The following CDH13 variants were observed in gnomAD, a reference collection of about 807,000 sequenced individuals.
CDH13 encodes the protein cadherin 13.
Under a neutral mutation model 63.8 loss-of-function variants are expected in CDH13, and 24 were observed. The observed-to-expected ratio is 0.38, with a 90% confidence interval of 0.27 to 0.53. The LOEUF (loss-of-function observed/expected upper bound fraction) is 0.53. Among genes scored for constraint, CDH13 ranks in the 20% least tolerant of loss-of-function variants. The pLI, the probability that CDH13 is intolerant of heterozygous loss-of-function variation, is 0.85. For missense variants in CDH13, 1,049 were observed against 903.1 expected (o/e 1.16, Z -2.07); for synonymous variants, 503 against 355.3 (o/e 1.42, Z -4.67).
At chr16:83,193,866 G>T (rs1312856213) in intron 4 of CDH13, among the ~76,000 whole-genome samples, 1 of 152,184 alleles carries the variant, frequency 6.6e-6, no homozygotes, top group South Asian at 2.1e-4. Context: ...TGCCTATTTA[G>T]ATTATGAAAA....
chr16:83,105,174 G>A (rs181161510), intron 3 of CDH13, among the ~76,000 whole-genome samples: 1 of 152,240 alleles, frequency 6.6e-6, no homozygotes, highest in East Asian at 1.9e-4. Context: ...ACCCTTTTTG[G>A]AAAACTCAAT....
In CDH13 at chr16:83,453,358, C is replaced by T. The variant is rs539057870; in HGVS notation, c.782-33119C>T. ...CCAAATACCACCTGTTCCCCAAAAA[C>T]CTATGGAAACAAAAAAATTAAAAAT... On this transcript the variant is annotated intron_variant, in intron 6 of 13. Transcript: ENST00000567109. 3.2e-4 allele frequency among the ~76,000 whole-genome samples: 49 copies of T among 151,684 alleles called. No homozygotes were observed. In the South Asian group the frequency reaches 9.8e-3, roughly 30 times the overall value.
At chr16:83,358,940 A>G (rs1200900157) in intron 6 of CDH13, among the ~76,000 whole-genome samples, 3 of 152,208 alleles carry the variant, frequency 2.0e-5, no homozygotes. Context: ...ACAGTCTAGT[A>G]CTAATAATCT....
At chr16:82,643,956 C>T (rs1318311583) in intron 1 of CDH13, among the ~76,000 whole-genome samples, 1 of 151,896 alleles carries the variant, frequency 6.6e-6, no homozygotes, top group African/African-American at 2.4e-5. Flanking sequence ...TGTTATGTTG[C>T]CCATGCTGGT....
At chr16:83,587,043 G>C (rs964693877) in intron 7 of CDH13, among the ~76,000 whole-genome samples, 1 of 152,116 alleles carries the variant, frequency 6.6e-6, no homozygotes, top group Non-Finnish European at 1.5e-5. Context: ...GGCTCCTTTC[G>C]TTTCTAAAGC....
At chr16:83,646,455 C>G (rs559201777) in intron 8 of CDH13, among the ~76,000 whole-genome samples, 1 of 152,172 alleles carries the variant, frequency 6.6e-6, no homozygotes, top group Non-Finnish European at 1.5e-5. Flanking sequence ...AATCCCAGCA[C>G]TTTGGGAGGC....
chr16:83,224,163 A>G (rs1306243065), intron 5 of CDH13, among the ~76,000 whole-genome samples: 1 of 152,234 alleles, frequency 6.6e-6, no homozygotes, highest in Non-Finnish European at 1.5e-5. Flanking sequence ...TGCAAATGCC[A>G]TTAATTCACT....
chr16:83,570,368 T>G (rs1250440166), intron 7 of CDH13, among the ~76,000 whole-genome samples: 1 of 152,132 alleles, frequency 6.6e-6, no homozygotes, highest in Admixed American at 6.5e-5. Context: ...CTGATGACAC[T>G]TGTCTCGGAT....
chr16:83,535,965 G>C (rs1199690643), intron 7 of CDH13, among the ~76,000 whole-genome samples: 1 of 151,500 alleles, frequency 6.6e-6, no homozygotes, highest in Non-Finnish European at 1.5e-5. Context: ...GAAAAGAAAA[G>C]AAAAGAAAAG....
At chr16:83,547,630 T>C (rs954050433) in intron 7 of CDH13, among the ~76,000 whole-genome samples, 2 of 152,230 alleles carry the variant, frequency 1.3e-5, no homozygotes, top group African/African-American at 4.8e-5. Context: ...AAGGACATGA[T>C]CTTTCTTTTT....
chr16:83,573,491 C>T (rs1904831994), intron 7 of CDH13, among the ~76,000 whole-genome samples: 1 of 152,164 alleles, frequency 6.6e-6, no homozygotes, highest in Non-Finnish European at 1.5e-5. Context: ...CTATCTCTTC[C>T]CTTTTTTGTA....
chr16:83,064,381 T>G (rs577063370), intron 3 of CDH13, among the ~76,000 whole-genome samples: 1 of 152,110 alleles, frequency 6.6e-6, no homozygotes, highest in African/African-American at 2.4e-5. Context: ...AAAAGAAAGT[T>G]ATATGAGTAT....
chr16:83,457,627 T>C (rs1177903710), intron 6 of CDH13, among the ~76,000 whole-genome samples: 2 of 152,068 alleles, frequency 1.3e-5, no homozygotes, highest in African/African-American at 2.4e-5. Context: ...GAGGAGCACC[T>C]AAGGCAGACT....
intron 6 of CDH13, chr16:83,396,794 G>A (rs144549013): frequency 1.8e-4 from 28 of 152,300 alleles, no homozygotes; most frequent in African/African-American, 6.0e-4. Flanking sequence ...ATTAGGGGAG[G>A]AGCAGGAGTA....
intron 8 of CDH13, among the ~76,000 whole-genome samples, chr16:83,667,196 A>G (rs961672065): frequency 5.3e-5 from 8 of 152,168 alleles, no homozygotes; most frequent in Non-Finnish European, 8.8e-5. Context: ...GAGGGCCACA[A>G]TGCACATCTC....
chr16:83,241,762 A>C (rs1190243707), intron 5 of CDH13, among the ~76,000 whole-genome samples: 1 of 152,090 alleles, frequency 6.6e-6, no homozygotes, highest in Non-Finnish European at 1.5e-5. Context: ...TGTCTTGCAA[A>C]GATTTTCTCC....
chr16:82,935,690 C>T (rs1012912971), intron 2 of CDH13, among the ~76,000 whole-genome samples: 1 of 152,084 alleles, frequency 6.6e-6, no homozygotes, highest in East Asian at 1.9e-4. Context: ...CAGCAATAAC[C>T]CCCTGAGCTC....
At chr16:82,902,334 C>G (rs975447674) in intron 2 of CDH13, among the ~76,000 whole-genome samples, 1 of 149,806 alleles carries the variant, frequency 6.7e-6, no homozygotes, top group African/African-American at 2.5e-5. Context: ...ATAAAATAAA[C>G]AGAAATCAAT....
intron 2 of CDH13, among the ~76,000 whole-genome samples, chr16:83,002,700 A>G (rs1354980640): frequency 6.6e-6 from 1 of 152,186 alleles, no homozygotes; most frequent in South Asian, 2.1e-4. Context: ...TGGCATGATC[A>G]TCAGGAAAGA....
Sources: allele counts gnomAD v4.1 joint callset (sites outside exome capture counted in the v4.1 genomes callset), GRCh38; gene constraint gnomAD v4.1.1; transcripts MANE v1.5; gene names NCBI Gene and HGNC (gene_info 2026-07-23, HGNC 2026-07-21).